The following RNF32 variants were observed in gnomAD, a reference collection of about 807,000 sequenced individuals.
RNF32 encodes the protein ring finger protein 32.
A neutral mutation model predicts 41.0 loss-of-function variants in RNF32; 36 were observed. That is an observed-to-expected ratio of 0.88 (90% CI 0.67 to 1.16). The LOEUF (loss-of-function observed/expected upper bound fraction) is 1.16. RNF32 is among the 50% of genes most tolerant of loss of function. RNF32 has a pLI of 0.00. For synonymous variants in RNF32, 154 were observed against 160.9 expected (o/e 0.96, Z 0.32); for missense variants, 413 against 436.7 (o/e 0.95, Z 0.48).
chr7:156,641,216 G>A (rs1584985970), intron 1 of RNF32, among the ~76,000 whole-genome samples: 1 of 152,184 alleles, frequency 6.6e-6, no homozygotes, highest in African/African-American at 2.4e-5. Context: ...ACGGTCAGCG[G>A]GGTTCAGAAG....
intron 5 of RNF32, 161 bp downstream of exon 5, chr7:156,657,734 T>C (rs751113722): frequency 1.1e-5 from 8 of 705,800 alleles, no homozygotes; most frequent in Non-Finnish European, 1.7e-5. Context: ...GTACAATTCA[T>C]CCTATTTTGA....
intron 7 of RNF32, chr7:156,659,483 G>A (rs1209139486): frequency 4.1e-6 from 4 of 985,120 alleles, no homozygotes; most frequent in Non-Finnish European, 3.6e-6. Context: ...ATCTTCAGTC[G>A]TTGACAGTCA....
At chr7:156,658,043 T>C in intron 5 of RNF32, 85 bp from the exon 6 acceptor site, 1 of 1,362,154 alleles carries the variant, frequency 7.3e-7, no homozygotes, top group Non-Finnish European at 1.0e-6. Flanking sequence ...AAAAGAACAC[T>C]ATAATTAGAA....
Position 156,643,858 on chromosome 7 carries a change from A to G in RNF32, c.-20A>G. On this transcript the variant is annotated 5_prime_UTR_variant, in exon 2 of 9. Transcript: ENST00000317955. The stretch of plus-strand genomic sequence containing the variant: ...TGATAGAATTTGTGATAGCCAAGCA[A>G]CAACTTTTCCTAATTCGGCATGTTA... 3 of 1,611,232 alleles carry G rather than the reference A, an allele frequency of 1.9e-6. No individual in the cohort carries two copies. The African/African-American group carries it at 4.0e-5, about 21-fold the overall frequency.
intron 7 of RNF32, 177 bp downstream of exon 7, chr7:156,658,747 G>C (rs1003262782): frequency 8.5e-6 from 7 of 819,650 alleles, no homozygotes; most frequent in African/African-American, 1.7e-5. Context: ...TTCCAACCTA[G>C]ATGTTCAAAT....
intron 1 of RNF32, among the ~76,000 whole-genome samples, chr7:156,642,817 G>C (rs1797535172): frequency 6.6e-6 from 1 of 152,240 alleles, no homozygotes; most frequent in Non-Finnish European, 1.5e-5. Context: ...CAGCACATGG[G>C]GAGGACGTGC....
chr7:156,646,555 T>C (rs1328631383), intron 3 of RNF32: 1 of 1,258,242 alleles, frequency 7.9e-7, no homozygotes, highest in African/African-American at 1.5e-5. Flanking sequence ...CATCCAGAGG[T>C]TCCAGGTGAA....
chr7:156,664,696 ATG>A (rs1433791051), intron 7 of RNF32, among the ~76,000 whole-genome samples: 1 of 152,246 alleles, frequency 6.6e-6, no homozygotes, highest in South Asian at 2.1e-4. Context: ...TTAATAATAA[ATG>A]TGAGACAAAT....
intron 1 of RNF32, among the ~76,000 whole-genome samples, chr7:156,641,279 T>G (rs1473839837): frequency 6.6e-6 from 1 of 152,204 alleles, no homozygotes; most frequent in African/African-American, 2.4e-5. Context: ...CGTCGTAGGC[T>G]TGGTCTCGTG....
chr7:156,644,640 AAAAGAGATAC>A lies in RNF32; in HGVS notation c.162_171del (p.Asp55GlnfsTer2), dbSNP rs1428014351. The A allele has an allele frequency of 6.2e-7, 1 of 1,613,120 alleles. No homozygotes were observed. The highest frequency in any genetic ancestry group is 8.5e-7 in the Non-Finnish European group (1 of 1,179,104). On this transcript the variant is annotated frameshift_variant, in exon 3 of 9. Coordinates refer to ENST00000317955, the MANE Select transcript of RNF32 (RefSeq NM_030936.4). LOFTEE classifies it high-confidence loss of function. ...ACAAAAGAAAGAGAACAAATCTCTAAAAAGAGATACAAAGGCAATAATAGATACTGGACTT... is the reference window on the plus strand; with the variant it reads ...ACAAAAGAAAGAGAACAAATCTCTAAAAAGGCAATAATAGATACTGGACTT...
intron 3 of RNF32, chr7:156,646,419 G>A: frequency 7.7e-7 from 1 of 1,303,724 alleles, no homozygotes; most frequent in Middle Eastern, 2.1e-4. Context: ...TCTTCTCTAG[G>A]TGTGATTGTA....
Position 156,654,587 on chromosome 7 carries a change from G to A in RNF32, c.286G>A (p.Gly96Ser), listed in dbSNP as rs765083260. Residue 96 changes from glycine (G) to serine (S), a missense_variant, in exon 4 of 9, where the codon GGC (glycine) becomes AGC (serine). Coordinates refer to ENST00000317955, the MANE Select transcript of RNF32 (RefSeq NM_030936.4). ...CTGTCTTACTTTAGCACAGAAGTTG[G>A]GCCTCATTGGGCCTCCACCACCTCC... ...PPPLTLAQKL[G>S]LIGPPPPPLS... 2 of 1,613,864 alleles carry A rather than the reference G, an allele frequency of 1.2e-6. No homozygotes were observed. Among genetic ancestry groups the A allele is most frequent in the Non-Finnish European group, 1.7e-6 (2 of 1,179,858 alleles).
At chr7:156,644,400 T>A (rs1797731356) in intron 2 of RNF32, 99 bp from the exon 3 acceptor site, 5 of 887,512 alleles carry the variant, frequency 5.6e-6, no homozygotes, top group South Asian at 1.5e-5. Flanking sequence ...TTGATTTGGT[T>A]GTATGTGCCA....
intron 7 of RNF32, among the ~76,000 whole-genome samples, chr7:156,667,673 G>C (rs139056484): frequency 7.9e-5 from 12 of 152,328 alleles, no homozygotes; most frequent in South Asian, 2.1e-4. Context: ...GCACACGGAA[G>C]AATCTGACAA....
chr7:156,660,719 T>G (rs551169245), intron 7 of RNF32, among the ~76,000 whole-genome samples: 6 of 152,194 alleles, frequency 3.9e-5, no homozygotes, highest in Admixed American at 1.3e-4. Context: ...AAAACCAAAC[T>G]CTGTAAAGTA....
intron 3 of RNF32, among the ~76,000 whole-genome samples, chr7:156,652,205 T>C (rs1798838616): frequency 1.3e-5 from 2 of 152,226 alleles, no homozygotes; most frequent in African/African-American, 4.8e-5. Flanking sequence ...TCCTGTCTGT[T>C]GTGCTGTGGA....
chr7:156,668,596 G>A (rs191693367), intron 7 of RNF32, among the ~76,000 whole-genome samples: 7 of 152,290 alleles, frequency 4.6e-5, no homozygotes, highest in African/African-American at 7.2e-5. Context: ...TGCCCAGAGC[G>A]CCTTGTAGGC....
At chr7:156,642,103 ATTTC>A (rs745814569) in intron 1 of RNF32, among the ~76,000 whole-genome samples, 4 of 152,194 alleles carry the variant, frequency 2.6e-5, no homozygotes, top group Admixed American at 6.5e-5. Flanking sequence ...TTTTGGATTA[ATTTC>A]TTTCTATTTT....
rs958394306 is a variant in RNF32, at chr7:156,675,116, G to A, written c.685-580G>A. Among the ~76,000 whole-genome samples, 8 of 152,196 alleles carry A rather than the reference G, an allele frequency of 5.3e-5. No homozygotes were observed. The South Asian group carries it at 6.2e-4, about 12-fold the overall frequency. ...AGCGCAGACCGGAAGAGATAGTGCA[G>A]ACCCGAAGAGGCAGCGGCGACCCGA... On this transcript the variant is annotated intron_variant, in intron 7 of 8. Transcript: ENST00000317955.
Sources: gnomAD v4.1 joint callset for allele counts (sites outside exome capture counted in the v4.1 genomes callset) on GRCh38, gnomAD v4.1.1 for gene constraint, MANE v1.5 for transcripts, NCBI Gene and HGNC (gene_info 2026-07-23, HGNC 2026-07-21) for gene names.